KCTD8: variants seen among roughly 807,000 people sequenced by gnomAD.
KCTD8 encodes potassium channel tetramerization domain containing 8.
KCTD8 carries 27 observed loss-of-function variants against 31.5 expected under a neutral mutation model. The ratio of observed to expected loss-of-function variants is 0.86; its 90% CI spans 0.63 to 1.18. The LOEUF (loss-of-function observed/expected upper bound fraction) is 1.18, where lower values mean the gene tolerates loss of function less well. Among genes scored for constraint, KCTD8 ranks in the 50% most tolerant of loss-of-function variants. The probability of loss-of-function intolerance (pLI) is 0.00; values close to 1 mark genes in which losing one functional copy is unlikely to be tolerated. For synonymous variants in KCTD8, 290 were observed against 280.0 expected, an observed-to-expected ratio of 1.04 and a Z score of -0.36; for missense variants, 658 against 647.7, an observed-to-expected ratio of 1.02 and a Z score of -0.17.
rs924626258 is a variant in KCTD8, at chr4:44,268,731, A to G, written c.962-93481T>C. On this transcript the variant is annotated intron_variant, in intron 1 of 1. Transcript: ENST00000360029. ...CAAAACCAATGTACAAAAATCACAA[A>G]CGTTCTTATACACCAATAACAGACA... Among the ~76,000 whole-genome samples the G allele has an allele frequency of 3.5e-4, 53 of 152,196 alleles. No homozygotes were observed. The Middle Eastern group carries it at 0.014, about 39-fold the overall frequency.
chr4:44,395,868 A>T (rs55764580), intron 1 of KCTD8, among the ~76,000 whole-genome samples: 22,632 of 151,970 alleles, frequency 0.15, 1,873 homozygotes, highest in Non-Finnish European at 0.18. Flanking sequence ...CCATTTTGGC[A>T]CCAGGGACTG....
chr4:44,274,946 T>C (rs1277693665), intron 1 of KCTD8, among the ~76,000 whole-genome samples: 1 of 151,990 alleles, frequency 6.6e-6, no homozygotes, highest in Non-Finnish European at 1.5e-5. Flanking sequence ...CTGATTAAAA[T>C]GTTCTACATA....
At chr4:44,230,703 G>C (rs1040478076) in intron 1 of KCTD8, among the ~76,000 whole-genome samples, 10 of 152,180 alleles carry the variant, frequency 6.6e-5, no homozygotes. Flanking sequence ...CTCTCAGCTA[G>C]CACCTAAAAA....
At chr4:44,268,915 T>C (rs1716481857) in intron 1 of KCTD8, among the ~76,000 whole-genome samples, 1 of 152,108 alleles carries the variant, frequency 6.6e-6, no homozygotes, top group African/African-American at 2.4e-5. Flanking sequence ...GGAAGAACAT[T>C]CCATGCTCAT....
In KCTD8 at chr4:44,373,723, A is replaced by C. The variant is rs376870838; in HGVS notation, c.961+73840T>G. On this transcript the variant is annotated intron_variant, in intron 1 of 1. Coordinates refer to ENST00000360029, the MANE Select transcript of KCTD8 (RefSeq NM_198353.3). The stretch of plus-strand genomic sequence containing the variant: ...TAAATAAATGAAAAACATCATTAAC[A>C]GATTGTTTTTTCCCATCTTATTCTT... 8.4e-4 allele frequency among the ~76,000 whole-genome samples: 128 copies of C among 152,282 alleles called. 3 individuals are homozygous for C. In the Middle Eastern group the frequency reaches 0.048, roughly 57 times the overall value.
intron 1 of KCTD8, among the ~76,000 whole-genome samples, chr4:44,407,977 T>C (rs1252097097): frequency 6.6e-6 from 1 of 152,188 alleles, no homozygotes; most frequent in Non-Finnish European, 1.5e-5. Context: ...TGCATTTTCA[T>C]CTTCCAGAGC....
chr4:44,314,884 A>AC (rs1285502145), intron 1 of KCTD8, among the ~76,000 whole-genome samples: 1 of 149,174 alleles, frequency 6.7e-6, no homozygotes, highest in African/African-American at 2.4e-5. Flanking sequence ...TTGTGAAAAA[A>AC]AAAACAGGAA....
At chr4:44,180,583 A>G (rs111997027) in intron 1 of KCTD8, among the ~76,000 whole-genome samples, 5,282 of 139,474 alleles carry the variant, frequency 0.038, 322 homozygotes, top group African/African-American at 0.14. Flanking sequence ...CAGTATACAT[A>G]CATGCACACA....
chr4:44,237,386 C>A (rs1169577492), intron 1 of KCTD8, among the ~76,000 whole-genome samples: 1 of 152,166 alleles, frequency 6.6e-6, no homozygotes, highest in Admixed American at 6.5e-5. Flanking sequence ...GTGGGAAGAA[C>A]CTCTTAGAAC....
At chr4:44,388,710 G>A (rs1268719819) in intron 1 of KCTD8, among the ~76,000 whole-genome samples, 2 of 151,754 alleles carry the variant, frequency 1.3e-5, no homozygotes. Flanking sequence ...AGAGGGTGGA[G>A]GGTGGGAGGA....
At chr4:44,417,580 G>A (rs1299836752) in intron 1 of KCTD8, among the ~76,000 whole-genome samples, 1 of 7,044 alleles carries the variant, frequency 1.4e-4, no homozygotes, top group Non-Finnish European at 4.9e-4. Flanking sequence ...GTCTATGGCA[G>A]ATCCTTAAGA....
intron 1 of KCTD8, among the ~76,000 whole-genome samples, chr4:44,426,734 C>T (rs1009460132): frequency 2.6e-5 from 4 of 151,624 alleles, no homozygotes; most frequent in African/African-American, 4.8e-5. Context: ...ATTCCCTAGC[C>T]GTATTGATTT....
At chr4:44,298,202 A>C (rs562241457) in intron 1 of KCTD8, among the ~76,000 whole-genome samples, 34 of 152,310 alleles carry the variant, frequency 2.2e-4, no homozygotes, top group Middle Eastern at 3.4e-3. Context: ...CTCTGTGCTC[A>C]GATAAGGATT....
intron 1 of KCTD8, among the ~76,000 whole-genome samples, chr4:44,222,436 C>T (rs1714834264): frequency 6.6e-6 from 1 of 152,170 alleles, no homozygotes; most frequent in African/African-American, 2.4e-5. Flanking sequence ...GTAGCTAGCA[C>T]CTACCTTCTC....
chr4:44,435,702 T>C (rs568694261), intron 1 of KCTD8, among the ~76,000 whole-genome samples: 6 of 152,152 alleles, frequency 3.9e-5, no homozygotes, highest in African/African-American at 1.4e-4. Flanking sequence ...TCAATAAAAA[T>C]TACAAGCCTA....
intron 1 of KCTD8, among the ~76,000 whole-genome samples, chr4:44,274,282 T>C (rs1716688592): frequency 6.6e-6 from 1 of 151,946 alleles, no homozygotes; most frequent in Admixed American, 6.6e-5. Context: ...TGGTGTCATG[T>C]GGTTTCCAGC....
At chr4:44,208,636 G>T (rs767325887) in intron 1 of KCTD8, among the ~76,000 whole-genome samples, 1 of 152,128 alleles carries the variant, frequency 6.6e-6, no homozygotes, top group South Asian at 2.1e-4. Context: ...CCAGGAGTTG[G>T]AATAATTGGG....
chr4:44,405,959 A>C lies in KCTD8; in HGVS notation c.961+41604T>G, dbSNP rs941804374. On this transcript the variant is annotated intron_variant, in intron 1 of 1. Transcript: ENST00000360029. Reference sequence around the variant, plus strand: ...AAAGGGTACCCATGCTAGAAGACTGACATCATATTTTGGCAGCTCTATTTC... The same window carrying C: ...AAAGGGTACCCATGCTAGAAGACTGCCATCATATTTTGGCAGCTCTATTTC... Among the ~76,000 whole-genome samples the C allele has an allele frequency of 3.3e-5, 5 of 152,164 alleles. No individual in the cohort carries two copies. The South Asian group carries it at 1.0e-3, about 32-fold the overall frequency.
intron 1 of KCTD8, among the ~76,000 whole-genome samples, chr4:44,288,468 G>C (rs1215604552): frequency 6.6e-6 from 1 of 152,050 alleles, no homozygotes; most frequent in East Asian, 1.9e-4. Context: ...GTTGAGTAGT[G>C]AATCTATTTA....
Sources: allele counts gnomAD v4.1 joint callset (sites outside exome capture counted in the v4.1 genomes callset), GRCh38; gene constraint gnomAD v4.1.1; transcripts MANE v1.5; gene names NCBI Gene and HGNC (gene_info 2026-07-23, HGNC 2026-07-21).